DMD: variants seen among roughly 807,000 people sequenced by gnomAD.
DMD encodes the protein mutant dystrophin.
Under a neutral mutation model 330.1 loss-of-function variants are expected in DMD, and 63 were observed. That is an observed-to-expected ratio of 0.19 (90% CI 0.16 to 0.24). The LOEUF (loss-of-function observed/expected upper bound fraction) is 0.24. Ranked by LOEUF, DMD falls within the 10% of genes least tolerant of loss-of-function variation. DMD has a pLI of 1.00. For synonymous variants in DMD, 1,223 were observed against 959.8 expected, an observed-to-expected ratio of 1.27 and a Z score of -5.07; for missense variants, 3,344 against 2,684.1, an observed-to-expected ratio of 1.25 and a Z score of -5.43.
intron 1 of DMD, among the ~76,000 whole-genome samples, chrX:33,309,536 T>C (rs1214600852): frequency 9.0e-6 from 1 of 111,520 alleles, no homozygotes; most frequent in Non-Finnish European, 1.9e-5. Flanking sequence ...CTGAGGTGTA[T>C]ACCATATCTA....
chrX:32,609,932 G>C (rs5928047), intron 12 of DMD, among the ~76,000 whole-genome samples: 5,969 of 110,401 alleles, frequency 0.054, 143 homozygotes, highest in African/African-American at 0.078. Flanking sequence ...AAACTTCATC[G>C]CAGTCTCACT....
intron 4 of DMD, among the ~76,000 whole-genome samples, chrX:32,829,302 C>T (rs1412970720): frequency 9.0e-6 from 1 of 111,717 alleles, no homozygotes; most frequent in African/African-American, 3.2e-5. Context: ...TAATAACCTA[C>T]TAAATGTTTT....
At chrX:31,303,872 A>C (rs1392045371) in intron 62 of DMD, among the ~76,000 whole-genome samples, 2 of 111,617 alleles carry the variant, frequency 1.8e-5, no homozygotes, top group Non-Finnish European at 3.8e-5. Context: ...TCCATTATCT[A>C]TTCCCTGGCT....
intron 44 of DMD, among the ~76,000 whole-genome samples, chrX:32,195,363 C>G (rs1158189446): frequency 1.8e-5 from 2 of 111,236 alleles, no homozygotes; most frequent in African/African-American, 6.5e-5. Flanking sequence ...AGTTATTCAA[C>G]TAAAGATGGC....
intron 13 of DMD, among the ~76,000 whole-genome samples, chrX:32,576,913 T>C (rs1042611073): frequency 8.9e-6 from 1 of 111,756 alleles, no homozygotes; most frequent in African/African-American, 3.3e-5. Flanking sequence ...AATGCATTCA[T>C]TCATTGATCA....
chrX:32,138,921 G>A (rs765250394), intron 44 of DMD, among the ~76,000 whole-genome samples: 65 of 112,182 alleles, frequency 5.8e-4, no homozygotes, highest in African/African-American at 1.9e-3. Flanking sequence ...TTATCAGTCC[G>A]TTCAAAAAGC....
At chrX:32,853,496 G>C (rs897778013) in intron 2 of DMD, among the ~76,000 whole-genome samples, 3 of 111,379 alleles carry the variant, frequency 2.7e-5, no homozygotes, top group Admixed American at 9.6e-5. Context: ...TTGCTTTCTT[G>C]TTTATGCAAC....
chrX:33,251,407 C>T (rs2148897613), intron 1 of DMD, among the ~76,000 whole-genome samples: 1 of 111,545 alleles, frequency 9.0e-6, no homozygotes, highest in South Asian at 3.7e-4. Flanking sequence ...GGAGACTGTG[C>T]ACAAGCAATG....
rs747490085 is a variant in DMD at position 32,156,631 on chromosome X, TACACACACACACACACACACAC to T, written c.6438+60263_6438+60284del. The stretch of plus-strand genomic sequence containing the variant: ...CGTATACTTTTGAATGACAAAAGGA[TACACACACACACACACACACAC>T]ACACACACACACACGCACGCAATTA... On this transcript the variant is annotated intron_variant, in intron 44 of 78. Coordinates refer to ENST00000357033, the MANE Select transcript of DMD (RefSeq NM_004006.3). Among the ~76,000 whole-genome samples, 11 of 94,050 alleles carry T rather than the reference TACACACACACACACACACACAC, an allele frequency of 1.2e-4. No homozygotes were observed. In the East Asian group the frequency reaches 1.4e-3, roughly 12 times the overall value. The allele number at this position is 94,050 out of a possible 115,157, so 81.7% of individuals were successfully genotyped here.
chrX:31,342,354 A>C (rs2057822155), intron 61 of DMD, among the ~76,000 whole-genome samples: 1 of 112,316 alleles, frequency 8.9e-6, no homozygotes. Flanking sequence ...CATGGCATAA[A>C]GTTTAGTGTG....
In DMD at chrX:32,303,148, T is replaced by G. The variant is rs747069368; in HGVS notation, c.6117+6934A>C. On this transcript the variant is annotated intron_variant, in intron 42 of 78. Coordinates refer to ENST00000357033, the MANE Select transcript of DMD (RefSeq NM_004006.3). ...CTTCATGCTTATATGCATATAGATT[T>G]GTAGAATGCACATGTCTAGATGATT... 2.7e-5 allele frequency among the ~76,000 whole-genome samples: 3 copies of G among 111,851 alleles called. No individual in the cohort carries two copies. In the South Asian group the frequency reaches 1.1e-3, roughly 41 times the overall value.
chrX:32,909,150 CAAAAAAAA>C (rs36075436), intron 2 of DMD, among the ~76,000 whole-genome samples: 17 of 68,219 alleles, frequency 2.5e-4, no homozygotes, highest in East Asian at 3.9e-4. Flanking sequence ...TCTATATGAG[CAAAAAAAA>C]AAAAAAAAAA....
chrX:33,162,297 T>C (rs1424510906), intron 1 of DMD, among the ~76,000 whole-genome samples: 2 of 112,047 alleles, frequency 1.8e-5, no homozygotes, highest in African/African-American at 6.5e-5. Flanking sequence ...AATTAGCTTA[T>C]GATCAGATGG....
intron 48 of DMD, among the ~76,000 whole-genome samples, chrX:31,838,119 T>A (rs1047694019): frequency 9.0e-6 from 1 of 111,713 alleles, no homozygotes; most frequent in South Asian, 3.8e-4. Flanking sequence ...GAGGTAGAAA[T>A]AGCTCTGATC....
chrX:32,260,375 G>C (rs2097316923), intron 43 of DMD, among the ~76,000 whole-genome samples: 1 of 111,430 alleles, frequency 9.0e-6, no homozygotes, highest in Non-Finnish European at 1.9e-5. Flanking sequence ...TTCAGGGTTA[G>C]TTTTTTTGTG....
At chrX:31,470,015 T>C (rs1032420219) in intron 59 of DMD, among the ~76,000 whole-genome samples, 1 of 111,165 alleles carries the variant, frequency 9.0e-6, no homozygotes, top group African/African-American at 3.3e-5. Flanking sequence ...GTTTCTCAGC[T>C]CCTTCAGGTC....
chrX:32,201,626 G>A, intron 44 of DMD, among the ~76,000 whole-genome samples: 1 of 111,276 alleles, frequency 9.0e-6, no homozygotes, highest in African/African-American at 3.3e-5. Context: ...ATGAAATACT[G>A]ATCATGCAAA....
At chrX:33,182,271 T>G (rs1477910018) in intron 1 of DMD, among the ~76,000 whole-genome samples, 1 of 111,801 alleles carries the variant, frequency 8.9e-6, no homozygotes, top group Non-Finnish European at 1.9e-5. Flanking sequence ...CTCTGATTGA[T>G]CTGTTTCTTT....
In DMD at chrX:32,684,010, CACATACAT is replaced by C. The variant is rs1232644014; in HGVS notation, c.960+13852_960+13859del. The stretch of plus-strand genomic sequence containing the variant: ...AGCACATACAAAACACACACACACA[CACATACAT>C]ACACACACACACACACACACACACA... On this transcript the variant is annotated intron_variant, in intron 9 of 78. Transcript: ENST00000357033. Among the ~76,000 whole-genome samples, 5 of 78,778 alleles carry C rather than the reference CACATACAT, an allele frequency of 6.3e-5. No individual in the cohort carries two copies. In the African/African-American group the frequency reaches 6.7e-4, roughly 11 times the overall value. 68.4% of individuals were successfully genotyped at this position (78,778 alleles called of 115,157 possible).
Sources: gnomAD v4.1 joint callset for allele counts (sites outside exome capture counted in the v4.1 genomes callset) on GRCh38, gnomAD v4.1.1 for gene constraint, MANE v1.5 for transcripts, NCBI Gene and HGNC (gene_info 2026-07-23, HGNC 2026-07-21) for gene names.